The following TCF12 variants were observed in gnomAD, a reference collection of about 807,000 sequenced individuals.
The protein encoded by TCF12 is DNA-binding protein HTF4.
In TCF12, 45 loss-of-function variants were observed where a neutral mutation model predicts 86.0. That is an observed-to-expected ratio of 0.52 (90% CI 0.41 to 0.67). TCF12 has a LOEUF of 0.67. TCF12 is among the 30% of genes least tolerant of loss of function. The pLI is 0.00. For missense variants in TCF12, 881 were observed against 859.9 expected, an observed-to-expected ratio of 1.02 and a Z score of -0.31; for synonymous variants, 330 against 299.6, an observed-to-expected ratio of 1.10 and a Z score of -1.05.
At chr15:56,991,649 A>G (rs1595999011) in intron 3 of TCF12, among the ~76,000 whole-genome samples, 1 of 152,190 alleles carries the variant, frequency 6.6e-6, no homozygotes, top group Non-Finnish European at 1.5e-5. Flanking sequence ...GATTTAAAAG[A>G]CATTTAGGGT....
intron 7 of TCF12, among the ~76,000 whole-genome samples, chr15:57,196,430 A>C (rs2057268072): frequency 6.6e-6 from 1 of 152,210 alleles, no homozygotes. Context: ...AACCAATCCC[A>C]CTGATACTGA....
intron 3 of TCF12, among the ~76,000 whole-genome samples, chr15:57,011,977 G>A (rs1447364106): frequency 6.6e-6 from 1 of 152,140 alleles, no homozygotes; most frequent in Non-Finnish European, 1.5e-5. Context: ...TTGTAATGGT[G>A]TGTATAGGAA....
intron 6 of TCF12, among the ~76,000 whole-genome samples, chr15:57,170,071 C>G (rs2055197028): frequency 6.6e-6 from 1 of 152,146 alleles, no homozygotes. Flanking sequence ...AACAACAACT[C>G]ATTTTGCAGA....
intron 5 of TCF12, among the ~76,000 whole-genome samples, chr15:57,164,604 A>G (rs117483894): frequency 0.04 from 6,143 of 152,298 alleles, 372 homozygotes; most frequent in Admixed American, 0.17. Flanking sequence ...TATGGGATCT[A>G]CAATTCAGGG....
chr15:57,075,800 T>TCTCTCTCTCTC (rs1567370475), intron 4 of TCF12, among the ~76,000 whole-genome samples: 7 of 20,502 alleles, frequency 3.4e-4, no homozygotes, highest in Non-Finnish European at 4.4e-4. Context: ...CTTTCTTTCT[T>TCTCTCTCTCTC]TCTTTCTCTC....
intron 4 of TCF12, among the ~76,000 whole-genome samples, chr15:57,069,708 A>G (rs1442553249): frequency 6.6e-6 from 1 of 152,182 alleles, no homozygotes; most frequent in Non-Finnish European, 1.5e-5. Context: ...TCTGAATCTT[A>G]TGCTAGTGCT....
At chr15:57,144,811 A>G (rs2151425273) in intron 5 of TCF12, among the ~76,000 whole-genome samples, 1 of 152,244 alleles carries the variant, frequency 6.6e-6, no homozygotes, top group Non-Finnish European at 1.5e-5. Flanking sequence ...CATGTTGCCT[A>G]GGGTGGTCTT....
intron 8 of TCF12, among the ~76,000 whole-genome samples, chr15:57,199,024 T>C (rs2057406255): frequency 6.6e-6 from 1 of 152,198 alleles, no homozygotes; most frequent in Non-Finnish European, 1.5e-5. Flanking sequence ...CAGATGGATC[T>C]GAGTTTTATG....
intron 6 of TCF12, among the ~76,000 whole-genome samples, chr15:57,187,525 T>C (rs539256929): frequency 3.2e-4 from 48 of 152,172 alleles, no homozygotes; most frequent in South Asian, 2.1e-3. Flanking sequence ...ATAATAATAA[T>C]TGCAAAAAAA....
In TCF12 at chr15:57,175,565, C is replaced by G. The variant is rs75342087; in HGVS notation, c.390+9099C>G. Among the ~76,000 whole-genome samples, 3,261 of 152,282 alleles carry G rather than the reference C, an allele frequency of 0.021. 218 individuals are homozygous for G. The East Asian group carries it at 0.27, about 12-fold the overall frequency. The stretch of plus-strand genomic sequence containing the variant: ...GTTTCGCCAACAGGATTAATTAAAA[C>G]TAGTTGTCTTAAACAGCAATTTTGA... On this transcript the variant is annotated intron_variant, in intron 6 of 20. Coordinates refer to ENST00000333725, the MANE Select transcript of TCF12 (RefSeq NM_207037.2).
intron 8 of TCF12, among the ~76,000 whole-genome samples, chr15:57,211,302 C>T (rs777089950): frequency 6.6e-6 from 1 of 152,098 alleles, no homozygotes; most frequent in Non-Finnish European, 1.5e-5. Context: ...CAGTGGCCCA[C>T]GCTTCTAATA....
At chr15:57,059,803 CAAAA>C (rs10717631) in intron 3 of TCF12, among the ~76,000 whole-genome samples, 4 of 94,232 alleles carry the variant, frequency 4.2e-5, no homozygotes, top group Non-Finnish European at 4.2e-5. Flanking sequence ...CTCCTCCCAC[CAAAA>C]AAAAAAAAAA....
chr15:57,170,624 AATTTT>A (rs2055246992), intron 6 of TCF12, among the ~76,000 whole-genome samples: 2 of 64,864 alleles, frequency 3.1e-5, no homozygotes, highest in South Asian at 8.2e-4. Context: ...ATGCCCTGCT[AATTTT>A]ATATATATAT....
At chr15:57,240,681 A>C (rs1221887606) in intron 12 of TCF12, among the ~76,000 whole-genome samples, 28 of 152,086 alleles carry the variant, frequency 1.8e-4, no homozygotes. Flanking sequence ...TAGGAGTTCA[A>C]GACCAGCCTG....
At chr15:56,921,296 C>G (rs190244549) in intron 3 of TCF12, among the ~76,000 whole-genome samples, 198 bp downstream of exon 3, 2 of 151,870 alleles carry the variant, frequency 1.3e-5, no homozygotes, top group Non-Finnish European at 2.9e-5. Flanking sequence ...TCAGTAGTTT[C>G]GTTTACAATT....
intron 3 of TCF12, among the ~76,000 whole-genome samples, chr15:57,026,872 C>T (rs1444695139): frequency 6.6e-5 from 10 of 152,104 alleles, no homozygotes; most frequent in African/African-American, 1.7e-4. Flanking sequence ...AACCTGTGCA[C>T]ATCCTCCTAT....
chr15:56,940,214 A>G (rs1015706156), intron 3 of TCF12, among the ~76,000 whole-genome samples: 10 of 152,050 alleles, frequency 6.6e-5, no homozygotes, highest in Non-Finnish European at 1.0e-4. Context: ...ATTATAGTCA[A>G]TGTGAGGAAG....
rs56163695 is a variant in TCF12 at position 57,262,469 on chromosome 15, A to G, written c.1582+261A>G. ...ATCTTTTACCTCTTCCTGTTCTGTC[A>G]TGTCCCTCTTCCTCAGACATTTTCC... is the stretch of plus-strand genomic sequence containing the variant. On this transcript the variant is annotated intron_variant, in intron 17 of 20. Coordinates refer to ENST00000333725, the MANE Select transcript of TCF12 (RefSeq NM_207037.2). 0.021 allele frequency among the ~76,000 whole-genome samples: 3,177 copies of G among 152,220 alleles called. 58 individuals carry two copies. The highest frequency in any genetic ancestry group is 0.034 in the Middle Eastern group (10 of 294).
At chr15:57,102,935 T>C (rs1183340420) in intron 5 of TCF12, among the ~76,000 whole-genome samples, 1 of 152,184 alleles carries the variant, frequency 6.6e-6, no homozygotes, top group Non-Finnish European at 1.5e-5. Flanking sequence ...TTAGCTTTAG[T>C]GTATCGAACT....
Sources: allele counts gnomAD v4.1 joint callset (sites outside exome capture counted in the v4.1 genomes callset), GRCh38; gene constraint gnomAD v4.1.1; transcripts MANE v1.5; gene names NCBI Gene and HGNC (gene_info 2026-07-23, HGNC 2026-07-21).